Variants in GINS1 observed in about 807,000 individuals in gnomAD.
GINS1 encodes the protein GINS complex subunit 1, also known as DNA replication complex GINS protein PSF1.
GINS1 carries 26 observed loss-of-function variants against 34.9 expected under a neutral mutation model. The observed-to-expected ratio is 0.74, with a 90% CI of 0.55 to 1.03. GINS1 has a LOEUF of 1.03. Ranked by LOEUF, GINS1 falls within the 50% of genes least tolerant of loss-of-function variation. The pLI, the probability that GINS1 is intolerant of heterozygous loss-of-function variation, is 0.00. For missense variants in GINS1, 235 were observed against 237.9 expected (o/e 0.99, Z 0.08); for synonymous variants, 97 against 84.4 (o/e 1.15, Z -0.82).
intron 4 of GINS1, among the ~76,000 whole-genome samples, chr20:25,420,379 AC>A (rs1171736836): frequency 6.6e-6 from 1 of 150,496 alleles, no homozygotes; most frequent in Non-Finnish European, 1.5e-5. Context: ...TGATCTGCCC[AC>A]CTCAGCCTCC....
At position 25,428,605 on chromosome 20, in the gene GINS1, C is replaced by T. The variant is rs190464556; in HGVS notation, c.447+3278C>T. ...TTTTTTAGTAGAGACGGGGTTTCAC[C>T]GTGTTAGCCAGGATGGTCTGGATCT... On this transcript the variant is annotated intron_variant, in intron 5 of 6. Coordinates refer to ENST00000262460, the MANE Select transcript of GINS1 (RefSeq NM_021067.5). Among the ~76,000 whole-genome samples the T allele has an allele frequency of 9.9e-5, 15 of 151,540 alleles. No individual in the cohort carries two copies. The East Asian group carries it at 1.4e-3, about 14-fold the overall frequency.
rs993169052 is a variant in GINS1 at position 25,447,626 on chromosome 20, G to A, written c.*1635G>A. 2.6e-5 allele frequency: 4 copies of A among 152,012 alleles called. No homozygotes were observed. Among genetic ancestry groups the A allele is most frequent in the Non-Finnish European group, 4.4e-5 (3 of 68,016 alleles). 9.4% of individuals were successfully genotyped at this position (152,012 alleles called of 1,614,324 possible). A position where few individuals can be genotyped will look rare whatever the true frequency, so the allele number is the denominator to read the frequency against. On this transcript the variant is annotated 3_prime_UTR_variant, in exon 7 of 7. Transcript: ENST00000262460. ...TTCTTGAAACAGATAGTATTAATGT[G>A]TCATATTTTTGCTGTTGTTTGTATT... is the stretch of plus-strand genomic sequence containing the variant.
chr20:25,443,038 T>C (rs1474198499), intron 6 of GINS1: 1 of 152,214 alleles, frequency 6.6e-6, no homozygotes, highest in Non-Finnish European at 1.5e-5. Flanking sequence ...CCTAAGGATT[T>C]GGTGTTCACT....
chr20:25,441,781 T>A lies in GINS1; in HGVS notation c.522+5T>A. ...CTATTAAAAAAAAATAGCCAGGTAT[T>A]TCTTATCTTCAGATTCTTTACTTTA... is the stretch of plus-strand genomic sequence containing the variant. On this transcript the variant is annotated splice_donor_5th_base_variant and intron_variant, in intron 6 of 6. Transcript: ENST00000262460. 7.1e-7 allele frequency: 1 copy of A among 1,399,368 alleles called. No homozygotes were observed. Among genetic ancestry groups the A allele is most frequent in the Non-Finnish European group, 1.0e-6 (1 of 996,518 alleles). 86.7% of individuals were successfully genotyped at this position (1,399,368 alleles called of 1,614,324 possible).
chr20:25,407,759 A>G lies in GINS1; in HGVS notation c.-62A>G. On this transcript the variant is annotated 5_prime_UTR_variant, in exon 1 of 7. Transcript: ENST00000262460. ...GAAAGGAGTGAGGCGCCGAGAGCCCAGATACCATTTTGGCGTGAGAGCTGG... is the reference window on the plus strand; with the variant it reads ...GAAAGGAGTGAGGCGCCGAGAGCCCGGATACCATTTTGGCGTGAGAGCTGG... The G allele has an allele frequency of 2.4e-6, 3 of 1,274,818 alleles. No individual in the cohort carries two copies. The highest frequency in any genetic ancestry group is 3.4e-6 in the Non-Finnish European group (3 of 873,346). 79.0% of individuals were successfully genotyped at this position (1,274,818 alleles called of 1,614,324 possible).
intron 1 of GINS1, among the ~76,000 whole-genome samples, chr20:25,408,686 C>G (rs2090263400): frequency 6.6e-6 from 1 of 152,042 alleles, no homozygotes; most frequent in Non-Finnish European, 1.5e-5. Flanking sequence ...GAGACCCTGT[C>G]CCAAACAAAA....
At position 25,447,271 on chromosome 20, in the gene GINS1, C is replaced by G. The variant is rs1413374391; in HGVS notation, c.*1280C>G. On this transcript the variant is annotated 3_prime_UTR_variant, in exon 7 of 7. Transcript: ENST00000262460. Reference sequence around the variant, plus strand: ...GCCAGGCTGGTTTCAAACTCCTGACCTCAAGTGACCCACCTTGGCCTCCCA... The same window carrying G: ...GCCAGGCTGGTTTCAAACTCCTGACGTCAAGTGACCCACCTTGGCCTCCCA... 5 of 151,720 alleles carry G rather than the reference C, an allele frequency of 3.3e-5. No homozygotes were observed. The highest frequency in any genetic ancestry group is 3.3e-4 in the Admixed American group (5 of 15,228). 9.4% of individuals were successfully genotyped at this position (151,720 alleles called of 1,614,324 possible).
At chr20:25,440,837 GAAAA>G (rs2090478532) in intron 5 of GINS1, among the ~76,000 whole-genome samples, 1 of 143,358 alleles carries the variant, frequency 7.0e-6, no homozygotes, top group South Asian at 2.2e-4. Context: ...AAAAAAGAAA[GAAAA>G]AACAGCAAAT....
intron 5 of GINS1, among the ~76,000 whole-genome samples, chr20:25,425,665 C>T (rs1029024886): frequency 6.6e-6 from 1 of 151,538 alleles, no homozygotes; most frequent in African/African-American, 2.4e-5. Flanking sequence ...AAAATCAGTC[C>T]CTAAATTTTG....
At chr20:25,437,418 CAG>C (rs534142238) in intron 5 of GINS1, among the ~76,000 whole-genome samples, 372 of 152,378 alleles carry the variant, frequency 2.4e-3, no homozygotes, top group African/African-American at 8.4e-3. Flanking sequence ...AAGCTAGGAA[CAG>C]GGGATGGTTA....
At chr20:25,445,862 A>C (rs1450940418) in intron 6 of GINS1, 61 bp from the exon 7 acceptor site, 29 of 1,044,496 alleles carry the variant, frequency 2.8e-5, no homozygotes, top group Non-Finnish European at 4.1e-5. Context: ...ACAAGAAATA[A>C]TTTCAAATTC....
chr20:25,407,850 C>CCGCGAGCTGCAT lies in GINS1; in HGVS notation c.35_46dup (p.Glu12_Arg15dup). ...TCTGCGAAAAAGCCATGGAACTGAT[C>CCGCGAGCTGCAT]CGCGAGCTGCATCGCGCGCCCGAAG... On this transcript the variant is annotated inframe_insertion, in exon 1 of 7. Transcript: ENST00000262460. 1 of 1,614,004 alleles carries CCGCGAGCTGCAT rather than the reference C, an allele frequency of 6.2e-7. No homozygotes were observed. Among genetic ancestry groups the CCGCGAGCTGCAT allele is most frequent in the East Asian group, 2.2e-5 (1 of 44,884 alleles).
intron 5 of GINS1, 108 bp downstream of exon 5, chr20:25,425,435 G>A (rs2090385491): frequency 3.5e-6 from 2 of 570,990 alleles, no homozygotes; most frequent in Non-Finnish European, 6.2e-6. Flanking sequence ...AAATAGAAAA[G>A]AAGCATAGAC....
intron 6 of GINS1, among the ~76,000 whole-genome samples, chr20:25,443,476 CTTTTTTTTTTTTT>C (rs11482627): frequency 8.0e-6 from 1 of 124,732 alleles, no homozygotes; most frequent in African/African-American, 3.1e-5. Context: ...GGTTGAATTT[CTTTTTTTTTTTTT>C]TTTTTTGAGA....
intron 4 of GINS1, 134 bp downstream of exon 4, chr20:25,418,329 T>A: frequency 1.5e-6 from 1 of 650,754 alleles, no homozygotes; most frequent in Non-Finnish European, 2.8e-6. Flanking sequence ...TGGTATTTAG[T>A]ATATAATGTG....
At chr20:25,432,551 C>G (rs2090433124) in intron 5 of GINS1, among the ~76,000 whole-genome samples, 1 of 152,050 alleles carries the variant, frequency 6.6e-6, no homozygotes, top group Admixed American at 6.6e-5. Context: ...ACTACAACCT[C>G]CATCTCCCGA....
At chr20:25,416,049 A>T (rs892771504) in intron 2 of GINS1, among the ~76,000 whole-genome samples, 2 of 152,174 alleles carry the variant, frequency 1.3e-5, no homozygotes, top group African/African-American at 4.8e-5. Flanking sequence ...GAGTTTGGCA[A>T]GTGGCAAAGG....
intron 5 of GINS1, among the ~76,000 whole-genome samples, chr20:25,432,878 TAAC>T (rs2090435179): frequency 6.7e-6 from 1 of 148,482 alleles, no homozygotes; most frequent in South Asian, 2.1e-4. Flanking sequence ...ACTTATATAA[TAAC>T]ATTATATATT....
intron 1 of GINS1, among the ~76,000 whole-genome samples, chr20:25,409,871 T>C (rs955462275): frequency 1.3e-5 from 2 of 152,220 alleles, no homozygotes; most frequent in Non-Finnish European, 1.5e-5. Context: ...CTAGGAACTT[T>C]AGAGGTCATT....
Sources: allele counts gnomAD v4.1 joint callset (sites outside exome capture counted in the v4.1 genomes callset), GRCh38; gene constraint gnomAD v4.1.1; transcripts MANE v1.5; gene names NCBI Gene and HGNC (gene_info 2026-07-23, HGNC 2026-07-21).